CASD1: variants seen among roughly 807,000 people sequenced by gnomAD.
The protein encoded by CASD1 is N-acetylneuraminate (7)9-O-acetyltransferase.
In CASD1, 41 loss-of-function variants were observed where a neutral mutation model predicts 100.0. The ratio of observed to expected loss-of-function variants is 0.41; its 90% CI spans 0.32 to 0.53. The LOEUF (loss-of-function observed/expected upper bound fraction) is 0.53. Among genes scored for constraint, CASD1 ranks in the 20% least tolerant of loss-of-function variants. The pLI, the probability that CASD1 is intolerant of heterozygous loss-of-function variation, is 0.25. For missense variants in CASD1, 774 were observed against 948.7 expected, an observed-to-expected ratio of 0.82 and a Z score of 2.42; for synonymous variants, 321 against 315.6, an observed-to-expected ratio of 1.02 and a Z score of -0.18.
At chr7:94,514,027 T>A (rs1793849175) in intron 1 of CASD1, among the ~76,000 whole-genome samples, 1 of 152,194 alleles carries the variant, frequency 6.6e-6, no homozygotes, top group Non-Finnish European at 1.5e-5. Flanking sequence ...AAATGGCCAA[T>A]ATCTGTAGCC....
chr7:94,528,044 A>G, intron 4 of CASD1, 144 bp from the exon 5 acceptor site: 1 of 623,622 alleles, frequency 1.6e-6, no homozygotes, highest in Non-Finnish European at 2.8e-6. Context: ...GACTCTTGCC[A>G]AATTAAGATA....
intron 5 of CASD1, among the ~76,000 whole-genome samples, chr7:94,528,701 T>C (rs1794699146): frequency 6.6e-6 from 1 of 152,168 alleles, no homozygotes. Context: ...AAGACTAATA[T>C]GTTTTAGCTC....
chr7:94,538,735 C>G (rs1795237144), intron 9 of CASD1, among the ~76,000 whole-genome samples: 5 of 152,060 alleles, frequency 3.3e-5, no homozygotes, highest in Admixed American at 3.3e-4. Context: ...CTTAAATATT[C>G]AAAATCTCTT....
intron 1 of CASD1, among the ~76,000 whole-genome samples, chr7:94,512,007 C>G (rs1415019843): frequency 1.3e-5 from 2 of 152,146 alleles, no homozygotes; most frequent in Non-Finnish European, 2.9e-5. Context: ...CTTGCCCAGA[C>G]TGAATGTCAA....
At chr7:94,569,258 CTTGTAA>C in the CASD1 span, among the ~76,000 whole-genome samples, 25 of 152,242 alleles carry the variant, frequency 1.6e-4, no homozygotes, top group Middle Eastern at 3.4e-3. Context: ...TGCAGTATTA[CTTGTAA>C]TTGTAATTGA....
intron 13 of CASD1, 119 bp downstream of exon 13, chr7:94,547,294 A>C (rs1795727075): frequency 4.9e-6 from 3 of 612,142 alleles, no homozygotes. Flanking sequence ...GACTGTAATA[A>C]AAGTGTCACT....
At chr7:94,621,141 T>C in the CASD1 span, 1 of 152,262 alleles carries the variant, frequency 6.6e-6, no homozygotes, top group Non-Finnish European at 1.5e-5. Context: ...ATATAACTTT[T>C]GTTATTTCTT....
the CASD1 span, among the ~76,000 whole-genome samples, chr7:94,571,130 A>G: frequency 1.3e-5 from 2 of 150,020 alleles, no homozygotes; most frequent in Non-Finnish European, 3.0e-5. Flanking sequence ...TGCAGTCTTG[A>G]CCTCCCAGGC....
chr7:94,545,445 A>T lies in CASD1; in HGVS notation c.1477-100A>T, dbSNP rs138298767. 9.9e-6 allele frequency: 8 copies of T among 811,222 alleles called. No individual in the cohort carries two copies. In the African/African-American group the frequency reaches 1.3e-4, roughly 14 times the overall value. The allele number at this position is 811,222 out of a possible 1,614,324, so 50.3% of individuals were successfully genotyped here. A position where few individuals can be genotyped will look rare whatever the true frequency, so the allele number is the denominator to read the frequency against. Reference sequence around the variant, plus strand: ...GTACAGTCATTATTGAGTCTTAGCCATTTATACTCTGTCAGAGAAAATCTG... The same window carrying T: ...GTACAGTCATTATTGAGTCTTAGCCTTTTATACTCTGTCAGAGAAAATCTG... On this transcript the variant is annotated intron_variant, in intron 11 of 17. Transcript: ENST00000297273.
intron 7 of CASD1, 95 bp downstream of exon 7, chr7:94,533,897 A>G: frequency 8.9e-7 from 1 of 1,126,360 alleles, no homozygotes. Flanking sequence ...TTACTGCTTT[A>G]TGAGAATTAA....
downstream of CASD1, among the ~76,000 whole-genome samples, chr7:94,560,022 T>G (rs1030531964): frequency 6.6e-6 from 1 of 152,242 alleles, no homozygotes; most frequent in Non-Finnish European, 1.5e-5. Flanking sequence ...TTTGTTTTGT[T>G]GTTTTAATTC....
chr7:94,631,029 C>T, the CASD1 span, among the ~76,000 whole-genome samples: 3 of 151,944 alleles, frequency 2.0e-5, no homozygotes, highest in South Asian at 4.1e-4. Context: ...TGTAGCTTCA[C>T]GTATCTACAG....
chr7:94,585,276 T>C, the CASD1 span: 3 of 484,466 alleles, frequency 6.2e-6, no homozygotes, highest in Non-Finnish European at 3.7e-6. Flanking sequence ...TTGTAACAAA[T>C]ATAAAGTCAT....
downstream of CASD1, among the ~76,000 whole-genome samples, chr7:94,558,304 A>G (rs1796274572): frequency 6.6e-6 from 1 of 152,204 alleles, no homozygotes; most frequent in Non-Finnish European, 1.5e-5. Flanking sequence ...CATTGATATC[A>G]TAAACTGGAT....
intron 5 of CASD1, among the ~76,000 whole-genome samples, chr7:94,531,218 T>G (rs891435256): frequency 2.6e-5 from 4 of 152,028 alleles, no homozygotes; most frequent in African/African-American, 4.8e-5. Context: ...GAGGACAAGA[T>G]TGATACTATG....
chr7:94,558,531 G>T (rs993928013), downstream of CASD1, among the ~76,000 whole-genome samples: 1 of 152,094 alleles, frequency 6.6e-6, no homozygotes, highest in Non-Finnish European at 1.5e-5. Context: ...ATTTTGGTTG[G>T]CAGTTCAATC....
At position 94,517,454 on chromosome 7, in the gene CASD1, G is replaced by A. The variant is rs1584376427; in HGVS notation, c.134-106G>A. 1.1e-5 allele frequency: 7 copies of A among 644,098 alleles called. No individual in the cohort carries two copies. In the East Asian group the frequency reaches 1.9e-4, roughly 17 times the overall value. 39.9% of individuals were successfully genotyped at this position (644,098 alleles called of 1,614,324 possible). On this transcript the variant is annotated intron_variant, in intron 1 of 17. Transcript: ENST00000297273. ...TGAACCTGGGCGGTACAGTGAAACA[G>A]AGAAAACTCTACTTTTTTATTTCAA... is the stretch of plus-strand genomic sequence containing the variant.
chr7:94,559,094 C>T (rs942504241), downstream of CASD1, among the ~76,000 whole-genome samples: 4 of 152,174 alleles, frequency 2.6e-5, no homozygotes, highest in Non-Finnish European at 5.9e-5. Context: ...GCCACTGTGC[C>T]TGGCCTGATT....
chr7:94,624,169 A>C, the CASD1 span: 2 of 397,908 alleles, frequency 5.0e-6, no homozygotes, highest in Non-Finnish European at 8.9e-6. Context: ...CCTCAAAAAA[A>C]AAAAAAAAAA....
Sources: allele counts gnomAD v4.1 joint callset (sites outside exome capture counted in the v4.1 genomes callset), GRCh38; gene constraint gnomAD v4.1.1; transcripts MANE v1.5; gene names NCBI Gene and HGNC (gene_info 2026-07-23, HGNC 2026-07-21).